The following SLC39A11 variants were observed in gnomAD, a reference collection of about 807,000 sequenced individuals.
SLC39A11 encodes the protein solute carrier family 39 member 11, also known as zinc transporter ZIP11.
In SLC39A11, 33 loss-of-function variants were observed where a neutral mutation model predicts 36.1. That is an observed-to-expected ratio of 0.91 (90% confidence interval 0.69 to 1.22). SLC39A11 has a LOEUF of 1.22. Ranked by LOEUF, SLC39A11 falls within the 50% of genes most tolerant of loss-of-function variation. The probability of loss-of-function intolerance (pLI) is 0.00; values close to 1 mark genes in which losing one functional copy is unlikely to be tolerated. For synonymous variants in SLC39A11, 166 were observed against 170.3 expected (o/e 0.97, Z 0.20); for missense variants, 432 against 430.3 (o/e 1.00, Z -0.03).
At chr17:72,698,469 A>AAAAAAAAAAAAAAAAAAAAAAAAG in intron 7 of SLC39A11, among the ~76,000 whole-genome samples, 1 of 151,804 alleles carries the variant, frequency 6.6e-6, no homozygotes, top group African/African-American at 2.4e-5. Flanking sequence ...CAAAAAAAAA[A>AAAAAAAAAAAAAAAAAAAAAAAAG]AAAAAAAAAA....
At chr17:72,679,826 G>A (rs941682074) in intron 7 of SLC39A11, among the ~76,000 whole-genome samples, 5 of 151,986 alleles carry the variant, frequency 3.3e-5, no homozygotes, top group African/African-American at 7.3e-5. Context: ...GGCGGATCAC[G>A]AGGCCAAGAG....
At chr17:73,088,462 G>C (rs932287723) in intron 2 of SLC39A11, among the ~76,000 whole-genome samples, 195 bp downstream of exon 2, 18 of 152,142 alleles carry the variant, frequency 1.2e-4, no homozygotes, top group African/African-American at 4.8e-5. Flanking sequence ...TCTACAGCAA[G>C]CAGACATCTG....
At chr17:72,987,092 T>C (rs895045163) in intron 4 of SLC39A11, among the ~76,000 whole-genome samples, 3 of 152,156 alleles carry the variant, frequency 2.0e-5, no homozygotes, top group Non-Finnish European at 4.4e-5. Flanking sequence ...AATGTGCGAG[T>C]TCTCACTCTG....
In SLC39A11 at chr17:72,773,883, C is replaced by T. The variant is rs370280057; in HGVS notation, c.602-37164G>A. On this transcript the variant is annotated intron_variant, in intron 6 of 9. Coordinates refer to ENST00000255559, the MANE Select transcript of SLC39A11 (RefSeq NM_139177.4). ...AGGGGCTGAAGCGCGAAACACCAAC[C>T]ATCTGCAGAGTTCCTGAACTGGTGG... Among the ~76,000 whole-genome samples, 6 of 152,330 alleles carry T rather than the reference C, an allele frequency of 3.9e-5. No individual in the cohort carries two copies. The East Asian group carries it at 9.6e-4, about 24-fold the overall frequency.
At chr17:72,988,054 C>A (rs372435930) in intron 4 of SLC39A11, among the ~76,000 whole-genome samples, 1 of 152,182 alleles carries the variant, frequency 6.6e-6, no homozygotes, top group Non-Finnish European at 1.5e-5. Context: ...TGTTTTGACA[C>A]AGCCATGCAG....
intron 5 of SLC39A11, among the ~76,000 whole-genome samples, chr17:72,873,378 T>A (rs530109902): frequency 2.0e-5 from 3 of 152,312 alleles, no homozygotes; most frequent in African/African-American, 7.2e-5. Context: ...CCTAGCCCTC[T>A]GCCTGCTAAA....
At chr17:72,957,355 G>A (rs868470001) in intron 4 of SLC39A11, among the ~76,000 whole-genome samples, 2 of 152,120 alleles carry the variant, frequency 1.3e-5, no homozygotes, top group Non-Finnish European at 2.9e-5. Flanking sequence ...ACAAAATGTT[G>A]TGTGTAATAT....
chr17:73,024,728 T>C (rs1288367242), intron 4 of SLC39A11, among the ~76,000 whole-genome samples: 1 of 152,032 alleles, frequency 6.6e-6, no homozygotes, highest in Non-Finnish European at 1.5e-5. Context: ...GACAAAGTCT[T>C]GCTATGCCAC....
At chr17:72,816,689 T>C (rs2077595465) in intron 6 of SLC39A11, among the ~76,000 whole-genome samples, 1 of 152,116 alleles carries the variant, frequency 6.6e-6, no homozygotes, top group Non-Finnish European at 1.5e-5. Context: ...ACCCAAGCTC[T>C]CCCAGGTGTC....
intron 4 of SLC39A11, among the ~76,000 whole-genome samples, chr17:72,997,721 A>G (rs1355115010): frequency 6.6e-6 from 1 of 152,250 alleles, no homozygotes; most frequent in Admixed American, 6.5e-5. Context: ...TGTCCTGCGC[A>G]GAATGTGAAT....
chr17:72,863,030 AC>A (rs1249493592), intron 5 of SLC39A11, among the ~76,000 whole-genome samples: 1 of 152,210 alleles, frequency 6.6e-6, no homozygotes, highest in East Asian at 1.9e-4. Context: ...TCCACAGTAG[AC>A]CCAGGCAGGG....
At chr17:72,970,248 A>C (rs2087339890) in intron 4 of SLC39A11, among the ~76,000 whole-genome samples, 1 of 152,218 alleles carries the variant, frequency 6.6e-6, no homozygotes, top group South Asian at 2.1e-4. Flanking sequence ...CCAGAAACAA[A>C]TTCATTTTTT....
intron 3 of SLC39A11, among the ~76,000 whole-genome samples, chr17:73,067,200 G>C (rs573293515): frequency 6.6e-6 from 1 of 152,298 alleles, no homozygotes; most frequent in Admixed American, 6.5e-5. Context: ...CATTTAGCTG[G>C]GCAAGCTGCT....
intron 6 of SLC39A11, among the ~76,000 whole-genome samples, chr17:72,779,181 C>T (rs1254389630): frequency 3.9e-5 from 6 of 152,180 alleles, no homozygotes; most frequent in East Asian, 1.9e-4. Context: ...CGGTGGCTCA[C>T]GCCTGTAATC....
chr17:72,948,101 G>A (rs1204281641), intron 4 of SLC39A11, among the ~76,000 whole-genome samples: 3 of 152,098 alleles, frequency 2.0e-5, no homozygotes, highest in Admixed American at 2.0e-4. Context: ...AAAACAACAC[G>A]ATCTAAAAAG....
At chr17:72,938,843 C>A (rs986083476) in intron 5 of SLC39A11, among the ~76,000 whole-genome samples, 2 of 152,164 alleles carry the variant, frequency 1.3e-5, no homozygotes, top group Non-Finnish European at 2.9e-5. Context: ...AACCTGCTAA[C>A]CAAGCAAATG....
intron 3 of SLC39A11, among the ~76,000 whole-genome samples, chr17:73,057,382 AG>A (rs983678228): frequency 6.6e-6 from 1 of 152,230 alleles, no homozygotes; most frequent in Non-Finnish European, 1.5e-5. Flanking sequence ...CTCATTGATG[AG>A]AAAAAATATT....
intron 7 of SLC39A11, among the ~76,000 whole-genome samples, chr17:72,718,857 T>G (rs2073524636): frequency 6.6e-6 from 1 of 152,146 alleles, no homozygotes; most frequent in South Asian, 2.1e-4. Flanking sequence ...CTTGAACTCC[T>G]GGCCTCAAGT....
chr17:72,718,025 C>T (rs953098635), intron 7 of SLC39A11, among the ~76,000 whole-genome samples: 2 of 152,232 alleles, frequency 1.3e-5, no homozygotes, highest in Non-Finnish European at 2.9e-5. Context: ...TGGAGCAACA[C>T]TCAAAACCAT....
Sources: allele counts gnomAD v4.1 joint callset (sites outside exome capture counted in the v4.1 genomes callset), GRCh38; gene constraint gnomAD v4.1.1; transcripts MANE v1.5; gene names NCBI Gene and HGNC (gene_info 2026-07-23, HGNC 2026-07-21).